Variants in DEFB134 observed in about 807,000 individuals in gnomAD.
DEFB134 encodes the protein defensin beta 134, also known as beta-defensin 134.
In DEFB134, 7 loss-of-function variants were observed where a neutral mutation model predicts 7.4. That is an observed-to-expected ratio of 0.95 (90% CI 0.54 to 1.79). The LOEUF is 1.79. DEFB134 is among the 40% of genes most tolerant of loss of function. The pLI is 0.00. For missense variants in DEFB134, 105 were observed against 74.8 expected, an observed-to-expected ratio of 1.40 and a Z score of -1.49; for synonymous variants, 33 against 25.0, an observed-to-expected ratio of 1.32 and a Z score of -0.96.
At chr8:11,998,820 C>CA (rs1488329789), upstream of DEFB134, among the ~76,000 whole-genome samples, 2 of 151,722 alleles carry the variant, frequency 1.3e-5, no homozygotes, top group African/African-American at 2.4e-5. Context: ...AAAGAAGATC[C>CA]AAAAAAACAC....
chr8:12,000,267 T>C (rs1171363071), upstream of DEFB134, among the ~76,000 whole-genome samples: 1 of 152,214 alleles, frequency 6.6e-6, no homozygotes, highest in Non-Finnish European at 1.5e-5. Flanking sequence ...CAATTGTTAC[T>C]ATATCAATTA....
chr8:11,995,784 G>C (rs1419218178), intron 1 of DEFB134, among the ~76,000 whole-genome samples: 8 of 152,160 alleles, frequency 5.3e-5, no homozygotes, highest in Non-Finnish European at 1.2e-4. Context: ...AGGAAGACAG[G>C]ATGGGCATTA....
upstream of DEFB134, chr8:11,996,329 A>C (rs1800122515): frequency 2.0e-6 from 3 of 1,527,894 alleles, no homozygotes; most frequent in Admixed American, 1.7e-5. Context: ...GAGGTTGAGC[A>C]CACAGTCCTA....
At chr8:11,996,499 A>G (rs756675898), upstream of DEFB134, among the ~76,000 whole-genome samples, 15 of 152,138 alleles carry the variant, frequency 9.9e-5, no homozygotes, top group Non-Finnish European at 1.8e-4. Flanking sequence ...CTGTTCTCCC[A>G]CCCAGGTTTT....
chr8:11,995,114 A>T (rs1442599389), intron 1 of DEFB134, among the ~76,000 whole-genome samples: 1 of 152,250 alleles, frequency 6.6e-6, no homozygotes, highest in African/African-American at 2.4e-5. Flanking sequence ...ACAATCTGTA[A>T]CACTTTTGGG....
upstream of DEFB134, chr8:11,996,417 G>A (rs1260008251): frequency 5.4e-6 from 3 of 551,810 alleles, no homozygotes; most frequent in Non-Finnish European, 9.1e-6. Flanking sequence ...CAGCCGTGTT[G>A]GCAATGCTCA....
intron 1 of DEFB134, 84 bp downstream of exon 2, chr8:11,996,110 G>C (rs1800113375): frequency 1.3e-6 from 2 of 1,505,050 alleles, no homozygotes; most frequent in Non-Finnish European, 1.8e-6. Flanking sequence ...AAGGGCCCAT[G>C]GGTGGTGTAT....
upstream of DEFB134, among the ~76,000 whole-genome samples, chr8:11,997,369 C>T (rs1439196144): frequency 1.3e-5 from 2 of 152,134 alleles, no homozygotes; most frequent in African/African-American, 4.8e-5. Context: ...AATAAAGCTG[C>T]TATGGACATT....
intron 1 of DEFB134, among the ~76,000 whole-genome samples, chr8:11,995,222 T>C (rs1376895073): frequency 6.6e-6 from 1 of 152,198 alleles, no homozygotes; most frequent in African/African-American, 2.4e-5. Context: ...TATTGTACAC[T>C]ATATGGGGTT....
At chr8:11,996,131 T>G in intron 1 of DEFB134, 63 bp downstream of exon 2, 1 of 1,587,992 alleles carries the variant, frequency 6.3e-7, no homozygotes, top group African/African-American at 1.3e-5. Flanking sequence ...GTTTATTGGG[T>G]TGTTTAGTGG....
chr8:11,996,423 G>T, upstream of DEFB134: 1 of 512,470 alleles, frequency 2.0e-6, no homozygotes, highest in African/African-American at 2.0e-5. Flanking sequence ...TGTTGGCAAT[G>T]CTCATCTGAG....
At chr8:11,998,371 C>A (rs7830855), upstream of DEFB134, among the ~76,000 whole-genome samples, 13,283 of 151,538 alleles carry the variant, frequency 0.088, 962 homozygotes, top group African/African-American at 0.21. Flanking sequence ...GAATTGCTTG[C>A]GCCTAAGGGG....
At chr8:11,998,288 G>T (rs1394345052), upstream of DEFB134, among the ~76,000 whole-genome samples, 1 of 151,050 alleles carries the variant, frequency 6.6e-6, no homozygotes, top group Middle Eastern at 3.2e-3. Flanking sequence ...GTCTCTACAA[G>T]ATTAAAAAAA....
chr8:11,996,013 T>C (rs948680686), intron 1 of DEFB134, among the ~76,000 whole-genome samples, 181 bp downstream of exon 2: 2 of 150,252 alleles, frequency 1.3e-5, no homozygotes, highest in Non-Finnish European at 2.9e-5. Context: ...TCCAAAGTTA[T>C]ATAGTTAACA....
intron 1 of DEFB134, among the ~76,000 whole-genome samples, chr8:11,994,401 A>G (rs1488639408): frequency 6.6e-6 from 1 of 152,242 alleles, no homozygotes; most frequent in African/African-American, 2.4e-5. Flanking sequence ...TAATCCAATA[A>G]GATTGATAGG....
At chr8:11,998,087 G>C (rs372300575), upstream of DEFB134, among the ~76,000 whole-genome samples, 1 of 152,140 alleles carries the variant, frequency 6.6e-6, no homozygotes, top group Non-Finnish European at 1.5e-5. Flanking sequence ...CAAGTACATG[G>C]AAATTAAACA....
upstream of DEFB134, chr8:11,996,364 T>C: frequency 8.3e-7 from 1 of 1,199,100 alleles, no homozygotes; most frequent in Non-Finnish European, 1.2e-6. Flanking sequence ...GGCTGGGGTA[T>C]GCCTCGCTTC....
chr8:12,000,300 G>T (rs1800237015), upstream of DEFB134, among the ~76,000 whole-genome samples: 1 of 151,990 alleles, frequency 6.6e-6, no homozygotes, highest in African/African-American at 2.4e-5. Context: ...ATTAGACTGT[G>T]AAATCCGAGT....
intron 1 of DEFB134, among the ~76,000 whole-genome samples, chr8:11,994,955 T>C (rs992148898): frequency 6.6e-6 from 1 of 152,192 alleles, no homozygotes; most frequent in African/African-American, 2.4e-5. Flanking sequence ...TTCTGAAGAT[T>C]TGAGAAGTCT....
Sources: allele counts gnomAD v4.1 joint callset (sites outside exome capture counted in the v4.1 genomes callset), GRCh38; gene constraint gnomAD v4.1.1; transcripts MANE v1.5; gene names NCBI Gene and HGNC (gene_info 2026-07-23, HGNC 2026-07-21).